The following ROBO2 variants were observed in gnomAD, a reference collection of about 807,000 sequenced individuals.
The protein encoded by ROBO2 is roundabout homolog 2.
A neutral mutation model predicts 160.8 loss-of-function variants in ROBO2; 53 were observed. That is an observed-to-expected ratio of 0.33 (90% CI 0.26 to 0.41). The LOEUF is 0.41. Among genes scored for constraint, ROBO2 ranks in the 10% least tolerant of loss-of-function variants. The probability of loss-of-function intolerance (pLI) is 1.00; values close to 1 mark genes in which losing one functional copy is unlikely to be tolerated. For synonymous variants in ROBO2, 664 were observed against 611.7 expected (o/e 1.09, Z -1.26); for missense variants, 1,577 against 1,722.4 (o/e 0.92, Z 1.49).
At chr3:76,787,537 C>T (rs1196977207) in intron 2 of ROBO2, among the ~76,000 whole-genome samples, 8 of 151,288 alleles carry the variant, frequency 5.3e-5, no homozygotes, top group Non-Finnish European at 1.2e-4. Context: ...CCTACAAATG[C>T]TAAAGGGAAT....
At chr3:76,966,150 A>T (rs1437982666) in intron 2 of ROBO2, among the ~76,000 whole-genome samples, 1 of 151,838 alleles carries the variant, frequency 6.6e-6, no homozygotes, top group East Asian at 1.9e-4. Context: ...TCGAACTCCC[A>T]GCCTCAGGTG....
At chr3:76,368,393 T>C (rs2075940972) in intron 2 of ROBO2, among the ~76,000 whole-genome samples, 1 of 151,980 alleles carries the variant, frequency 6.6e-6, no homozygotes, top group African/African-American at 2.4e-5. Context: ...CTGGGTGATT[T>C]TTTTTACTCT....
At position 76,567,633 on chromosome 3, in the gene ROBO2, A is replaced by ATATATATATATATATATATG. The variant is rs2084628465; in HGVS notation, c.110-530362_110-530361insGTATATATATATATATATAT. ...TACCAAACTACTGATATATATATAT[A>ATATATATATATATATATATG]TATATATATATATATATATACACAT... On this transcript the variant is annotated intron_variant, in intron 2 of 26. Transcript: ENST00000487694. Among the ~76,000 whole-genome samples, 2 of 73,822 alleles carry ATATATATATATATATATATG rather than the reference A, an allele frequency of 2.7e-5. 1 individual carries two copies. The highest frequency in any genetic ancestry group is 6.0e-5 in the Non-Finnish European group (2 of 33,192). The allele number at this position is 73,822 out of a possible 152,430, so 48.4% of individuals were successfully genotyped here.
At chr3:77,087,839 CATAT>C (rs1169846182) in intron 1 of ROBO2, among the ~76,000 whole-genome samples, 4 of 151,728 alleles carry the variant, frequency 2.6e-5, no homozygotes, top group Non-Finnish European at 5.9e-5. Context: ...TACACACACA[CATAT>C]ATATAGATGC....
At position 77,184,841 on chromosome 3, in the gene ROBO2, C is replaced by T. The variant is rs186653937; in HGVS notation, c.388+86501C>T. Among the ~76,000 whole-genome samples, 252 of 151,930 alleles carry T rather than the reference C, an allele frequency of 1.7e-3. 2 individuals are homozygous for T. The highest frequency in any genetic ancestry group is 5.7e-3 in the African/African-American group (237 of 41,492). On this transcript the variant is annotated intron_variant, in intron 2 of 25. Transcript: ENST00000461745. The stretch of plus-strand genomic sequence containing the variant: ...GTATACAATGAATTATGAAGAAAAG[C>T]TTTGGATAATATTTCAGGACCTATA...
At chr3:76,589,408 C>CT (rs1295444689) in intron 2 of ROBO2, among the ~76,000 whole-genome samples, 4 of 152,146 alleles carry the variant, frequency 2.6e-5, no homozygotes, top group Non-Finnish European at 5.9e-5. Context: ...TCCCGCCATT[C>CT]TCCTGCCTCA....
chr3:76,912,749 C>T (rs1466336300), intron 2 of ROBO2, among the ~76,000 whole-genome samples: 1 of 151,956 alleles, frequency 6.6e-6, no homozygotes, highest in Admixed American at 6.6e-5. Flanking sequence ...CTAAACTTAA[C>T]GTTAATTAGG....
At chr3:76,683,058 G>A (rs1026464375) in intron 2 of ROBO2, among the ~76,000 whole-genome samples, 6 of 152,030 alleles carry the variant, frequency 3.9e-5, no homozygotes, top group African/African-American at 1.2e-4. Flanking sequence ...CCCCTACATC[G>A]TCAGATAAAT....
intron 2 of ROBO2, among the ~76,000 whole-genome samples, chr3:76,110,240 A>AAGT (rs1277750351): frequency 6.6e-6 from 1 of 152,056 alleles, no homozygotes; most frequent in Non-Finnish European, 1.5e-5. Context: ...TTAAGGTTTT[A>AAGT]AGTATATTAA....
chr3:76,137,925 A>G (rs112652880), intron 2 of ROBO2, among the ~76,000 whole-genome samples: 429 of 152,098 alleles, frequency 2.8e-3, no homozygotes, highest in African/African-American at 9.6e-3. Context: ...ATCCAGGATA[A>G]TCTTCCCATC....
intron 2 of ROBO2, among the ~76,000 whole-genome samples, chr3:77,324,272 G>A (rs2065124148): frequency 6.6e-6 from 1 of 152,158 alleles, no homozygotes; most frequent in Non-Finnish European, 1.5e-5. Context: ...AACTCTGACT[G>A]ATGACTGTAC....
intron 2 of ROBO2, among the ~76,000 whole-genome samples, chr3:77,453,713 GTTAGATTC>G (rs2081339418): frequency 6.6e-6 from 1 of 151,934 alleles, no homozygotes; most frequent in South Asian, 2.1e-4. Flanking sequence ...CCTAGTTTTT[GTTAGATTC>G]TTAGATTCTT....
chr3:77,021,413 C>G (rs1300445511), intron 2 of ROBO2, among the ~76,000 whole-genome samples: 1 of 152,126 alleles, frequency 6.6e-6, no homozygotes, highest in African/African-American at 2.4e-5. Flanking sequence ...GAATCTCTCT[C>G]CCTCAAAGTA....
At chr3:77,016,505 GC>G (rs1365458194) in intron 2 of ROBO2, among the ~76,000 whole-genome samples, 1 of 152,070 alleles carries the variant, frequency 6.6e-6, no homozygotes, top group East Asian at 1.9e-4. Flanking sequence ...TGTAAATCCA[GC>G]TTTTGGCAAT....
chr3:76,324,481 G>A (rs1370118066), intron 2 of ROBO2, among the ~76,000 whole-genome samples: 3 of 152,200 alleles, frequency 2.0e-5, no homozygotes, highest in Non-Finnish European at 1.5e-5. Flanking sequence ...GCAGAATGCA[G>A]GACGGAGATT....
chr3:77,230,430 A>G (rs574663492), intron 2 of ROBO2, among the ~76,000 whole-genome samples: 42 of 152,300 alleles, frequency 2.8e-4, no homozygotes, highest in African/African-American at 1.0e-3. Context: ...AATATAAACG[A>G]AAGTTATTCT....
Position 77,558,166 on chromosome 3 carries a change from T to G in ROBO2, c.1437+17T>G, listed in dbSNP as rs370711573. 20 of 1,601,536 alleles carry G rather than the reference T, an allele frequency of 1.2e-5. No individual in the cohort carries two copies. Among genetic ancestry groups the G allele is most frequent in the Middle Eastern group, 1.7e-4 (1 of 6,030 alleles). On this transcript the variant is annotated intron_variant, in intron 9 of 25. Transcript: ENST00000461745. ...AATTTACGGGTAAGTAATATTGGAC[T>G]TGTACATGAATTATCATCTACACAT...
intron 2 of ROBO2, among the ~76,000 whole-genome samples, chr3:76,539,151 A>G (rs1185487113): frequency 6.6e-6 from 1 of 152,158 alleles, no homozygotes; most frequent in African/African-American, 2.4e-5. Flanking sequence ...CAATGAGAAC[A>G]CATGGACACA....
chr3:76,148,858 G>T (rs2072029082), intron 2 of ROBO2, among the ~76,000 whole-genome samples: 1 of 152,150 alleles, frequency 6.6e-6, no homozygotes, highest in Non-Finnish European at 1.5e-5. Context: ...AGGGTGCAGT[G>T]CTTGTCTTTC....
Sources: gnomAD v4.1 joint callset for allele counts (sites outside exome capture counted in the v4.1 genomes callset) on GRCh38, gnomAD v4.1.1 for gene constraint, MANE v1.5 for transcripts, NCBI Gene and HGNC (gene_info 2026-07-23, HGNC 2026-07-21) for gene names.